CGNL1: variants seen among roughly 807,000 people sequenced by gnomAD.
CGNL1 encodes the protein cingulin-like protein 1.
Under a neutral mutation model 141.2 loss-of-function variants are expected in CGNL1, and 132 were observed. That is an observed-to-expected ratio of 0.93 (90% CI 0.81 to 1.08). The LOEUF is 1.08. CGNL1 is among the 50% of genes least tolerant of loss of function. CGNL1 has a pLI of 0.00. For missense variants in CGNL1, 1,870 were observed against 1,588.6 expected, an observed-to-expected ratio of 1.18 and a Z score of -3.01; for synonymous variants, 690 against 622.1, an observed-to-expected ratio of 1.11 and a Z score of -1.63.
intron 1 of CGNL1, among the ~76,000 whole-genome samples, chr15:57,410,752 A>G (rs767352172): frequency 6.6e-6 from 1 of 152,228 alleles, no homozygotes; most frequent in Admixed American, 6.5e-5. Flanking sequence ...TCTCATGCTT[A>G]TGAGGAGTGC....
intron 8 of CGNL1, among the ~76,000 whole-genome samples, chr15:57,467,690 T>TC (rs2063526937): frequency 6.9e-6 from 1 of 145,944 alleles, no homozygotes; most frequent in Admixed American, 6.8e-5. Flanking sequence ...CTCTGTCTTT[T>TC]TTTTTTTTTT....
chr15:57,490,005 G>A (rs189401237), intron 8 of CGNL1, among the ~76,000 whole-genome samples: 110 of 152,304 alleles, frequency 7.2e-4, no homozygotes, highest in African/African-American at 2.5e-3. Flanking sequence ...ACCCTGCTTT[G>A]TGTGCAGCCT....
chr15:57,473,596 C>T (rs1459101423), intron 8 of CGNL1, among the ~76,000 whole-genome samples: 5 of 152,104 alleles, frequency 3.3e-5, no homozygotes, highest in African/African-American at 7.2e-5. Flanking sequence ...GTGTGACTTC[C>T]GTTGCTTGAT....
chr15:57,529,559 AACACACACACACACACACAC>A (rs10593466), intron 13 of CGNL1, among the ~76,000 whole-genome samples: 528 of 138,008 alleles, frequency 3.8e-3, no homozygotes, highest in Non-Finnish European at 5.4e-3. Flanking sequence ...AACCCCCAGA[AACACACACACACACACACAC>A]ACACACACAC....
intron 8 of CGNL1, among the ~76,000 whole-genome samples, chr15:57,465,581 G>A (rs190446242): frequency 1.1e-4 from 16 of 151,692 alleles, no homozygotes; most frequent in East Asian, 3.9e-4. Context: ...AGTAGAGACC[G>A]GGTTTCACCA....
chr15:57,509,851 A>G (rs1269456212), intron 8 of CGNL1, among the ~76,000 whole-genome samples: 3 of 152,244 alleles, frequency 2.0e-5, no homozygotes, highest in Non-Finnish European at 4.4e-5. Flanking sequence ...GCAGTTCAGC[A>G]TGTTGAAGCA....
At chr15:57,455,832 A>G (rs1315065944) in intron 7 of CGNL1, among the ~76,000 whole-genome samples, 2 of 152,094 alleles carry the variant, frequency 1.3e-5, no homozygotes, top group African/African-American at 4.8e-5. Flanking sequence ...TGTTTTGGTG[A>G]TGTGTTCAGG....
At chr15:57,485,499 A>G (rs1027211091) in intron 8 of CGNL1, among the ~76,000 whole-genome samples, 2 of 152,224 alleles carry the variant, frequency 1.3e-5, no homozygotes, top group Non-Finnish European at 2.9e-5. Flanking sequence ...GAGTTATACA[A>G]AAAATAGGAA....
rs374563401 is a variant in CGNL1, at chr15:57,516,863, G to A, written c.2487G>A (p.Glu829=). 79 of 1,614,032 alleles carry A rather than the reference G, an allele frequency of 4.9e-5. No individual in the cohort carries two copies. The highest frequency in any genetic ancestry group is 6.4e-5 in the Non-Finnish European group (75 of 1,180,022). ...GTEMRVKLLQ[E]ENEKLQGRSE... is the part of the protein sequence containing the mutation. ...AAATGCGCGTGAAGCTTCTGCAGGA[G>A]GAGAATGAGAAGCTGCAGGGAAGAA... The change falls in exon 9 of 19, where the codon GAG becomes GAA. Residue 829 remains glutamate (E), a synonymous_variant. Transcript: ENST00000281282.
chr15:57,464,387 G>T (rs748208624), intron 8 of CGNL1, among the ~76,000 whole-genome samples: 4 of 152,098 alleles, frequency 2.6e-5, no homozygotes, highest in Non-Finnish European at 5.9e-5. Flanking sequence ...AATAAATAAA[G>T]AAATAAATAA....
intron 4 of CGNL1, among the ~76,000 whole-genome samples, chr15:57,450,271 C>T (rs756549026): frequency 6.6e-6 from 1 of 151,930 alleles, no homozygotes; most frequent in Non-Finnish European, 1.5e-5. Flanking sequence ...ATTGGTATCT[C>T]GTTGGTTTGT....
chr15:57,405,315 G>A (rs1391068879), intron 1 of CGNL1: 1 of 152,170 alleles, frequency 6.6e-6, no homozygotes, highest in African/African-American at 2.4e-5. Context: ...ACTCTTGAGC[G>A]GGGCTGCTTT....
intron 11 of CGNL1, among the ~76,000 whole-genome samples, chr15:57,523,991 G>A (rs2031445994): frequency 6.6e-6 from 1 of 152,156 alleles, no homozygotes; most frequent in South Asian, 2.1e-4. Context: ...GTCCAGGAGT[G>A]TGAAAGGCAG....
chr15:57,503,167 C>T (rs1023827573), intron 8 of CGNL1, among the ~76,000 whole-genome samples: 8 of 152,208 alleles, frequency 5.3e-5, no homozygotes, highest in African/African-American at 1.4e-4. Flanking sequence ...CAGGGCCAGG[C>T]GGGGGCTGCC....
intron 3 of CGNL1, 49 bp from the exon 4 acceptor site, chr15:57,442,324 A>G: frequency 8.6e-7 from 1 of 1,161,538 alleles, no homozygotes; most frequent in South Asian, 1.2e-5. Context: ...AATTGTTCTG[A>G]GACCAGTGGT....
chr15:57,434,044 A>ATTT (rs2152299708), intron 1 of CGNL1, among the ~76,000 whole-genome samples: 1 of 144,676 alleles, frequency 6.9e-6, no homozygotes, highest in Admixed American at 7.0e-5. Flanking sequence ...AGGGTTCATC[A>ATTT]GGTGTATTAC....
chr15:57,418,167 A>G (rs1370936264), intron 1 of CGNL1, among the ~76,000 whole-genome samples: 1 of 152,128 alleles, frequency 6.6e-6, no homozygotes, highest in East Asian at 1.9e-4. Flanking sequence ...TGGATCAGGG[A>G]TGCTGGGTTC....
At position 57,421,516 on chromosome 15, in the gene CGNL1, T is replaced by C. The variant is rs368288672; in HGVS notation, c.-15-16469T>C. Among the ~76,000 whole-genome samples, 7 of 152,278 alleles carry C rather than the reference T, an allele frequency of 4.6e-5. No individual in the cohort carries two copies. In the East Asian group the frequency reaches 1.4e-3, roughly 29 times the overall value. ...TGCATTTAGATGTAAGAGCTCCAGG[T>C]TAAGGGTCTGACAAGACACTTTTGG... On this transcript the variant is annotated intron_variant, in intron 1 of 18. Transcript: ENST00000281282.
At chr15:57,460,390 TTGG>T (rs1487841355) in intron 7 of CGNL1, among the ~76,000 whole-genome samples, 1 of 152,156 alleles carries the variant, frequency 6.6e-6, no homozygotes, top group African/African-American at 2.4e-5. Flanking sequence ...TTCAGACATT[TTGG>T]TGGTGAAGTT....
Sources: gnomAD v4.1 joint callset for allele counts (sites outside exome capture counted in the v4.1 genomes callset) on GRCh38, gnomAD v4.1.1 for gene constraint, MANE v1.5 for transcripts, NCBI Gene and HGNC (gene_info 2026-07-23, HGNC 2026-07-21) for gene names.